The following WWP1 variants were observed in gnomAD, a reference collection of about 807,000 sequenced individuals.
The protein encoded by WWP1 is WW domain containing E3 ubiquitin protein ligase 1.
In WWP1, 49 loss-of-function variants were observed where a neutral mutation model predicts 130.6. The observed-to-expected ratio is 0.38, with a 90% confidence interval of 0.30 to 0.48. WWP1 has a LOEUF of 0.48. Ranked by LOEUF, WWP1 falls within the 20% of genes least tolerant of loss-of-function variation. The probability of loss-of-function intolerance (pLI) is 0.99; values close to 1 mark genes in which losing one functional copy is unlikely to be tolerated. For synonymous variants in WWP1, 332 were observed against 367.8 expected (o/e 0.90, Z 1.11); for missense variants, 809 against 1,100.6 (o/e 0.74, Z 3.75).
intron 5 of WWP1, among the ~76,000 whole-genome samples, chr8:86,390,479 G>A (rs570433524): frequency 6.6e-6 from 1 of 152,188 alleles, no homozygotes; most frequent in Non-Finnish European, 1.5e-5. Flanking sequence ...GATCACTCGC[G>A]GTCAGGAGCT....
At position 86,461,796 on chromosome 8, in the gene WWP1, T is replaced by TGAAAA. The variant is rs1490537036; in HGVS notation, c.2619_2620insGAAAA (p.Cys874GlufsTer34). On this transcript the variant is annotated frameshift_variant, in exon 24 of 25. Transcript: ENST00000517970. LOFTEE classifies it high-confidence loss of function. Reference sequence around the variant, plus strand: ...TAGGAAGTAATGGGCCTCAAAAGTTTTGCATTGAAAAAGTTGGCAAAGACA... The same window carrying TGAAAA: ...TAGGAAGTAATGGGCCTCAAAAGTTTGAAAATGCATTGAAAAAGTTGGCAAAGACA... 6.2e-7 allele frequency: 1 copy of TGAAAA among 1,614,056 alleles called. No individual in the cohort carries two copies. The highest frequency in any genetic ancestry group is 2.2e-5 in the East Asian group (1 of 44,858).
intron 2 of WWP1, among the ~76,000 whole-genome samples, chr8:86,373,312 T>C (rs1161893599): frequency 1.3e-5 from 2 of 152,186 alleles, no homozygotes; most frequent in East Asian, 1.9e-4. Flanking sequence ...ATTTTTATTT[T>C]CTGATAGTTG....
chr8:86,361,287 A>G (rs1823580714), intron 1 of WWP1, among the ~76,000 whole-genome samples: 1 of 152,170 alleles, frequency 6.6e-6, no homozygotes, highest in East Asian at 1.9e-4. Context: ...AATCTGGGAC[A>G]TATTAACATA....
chr8:86,450,720 A>AC (rs1811128839), intron 20 of WWP1, among the ~76,000 whole-genome samples: 1 of 152,202 alleles, frequency 6.6e-6, no homozygotes, highest in African/African-American at 2.4e-5. Context: ...TGCTCTTGAA[A>AC]ATTATATGAT....
chr8:86,440,903 T>C (rs549157703), intron 17 of WWP1, among the ~76,000 whole-genome samples: 111 of 152,346 alleles, frequency 7.3e-4, no homozygotes, highest in African/African-American at 2.6e-3. Flanking sequence ...TCTTCATTAG[T>C]GGTTTTACTG....
rs1424170269 is a variant in WWP1, at chr8:86,435,670, C to T, written c.1715C>T (p.Ser572Phe). Residue 572 changes from serine to phenylalanine, a missense_variant, in exon 16 of 25, where the codon TCC becomes TTC. By Grantham distance (155) the Ser-to-Phe change is radical. Coordinates refer to ENST00000517970, the MANE Select transcript of WWP1 (RefSeq NM_007013.4). ...CCTAGTCATGTAAAGATCAATGTGT[C>T]CCGGCAGACATTGTTTGAAGATTCC... The part of the protein sequence containing the change: ...ALPSHVKINV[S>F]RQTLFEDSFQ... 1 of 1,612,576 alleles carries T rather than the reference C, an allele frequency of 6.2e-7. No homozygotes were observed.
intron 9 of WWP1, among the ~76,000 whole-genome samples, chr8:86,424,650 C>G (rs1048285277): frequency 4.0e-5 from 6 of 151,760 alleles, no homozygotes; most frequent in Non-Finnish European, 8.8e-5. Flanking sequence ...CAAAAAAATA[C>G]GAAAACCAGT....
chr8:86,379,234 A>G (rs1157267823), intron 3 of WWP1, among the ~76,000 whole-genome samples: 2 of 152,174 alleles, frequency 1.3e-5, no homozygotes, highest in East Asian at 1.9e-4. Context: ...GCAGTTTGGA[A>G]CGATGAAGGA....
At chr8:86,452,838 G>C (rs925720542) in intron 21 of WWP1, among the ~76,000 whole-genome samples, 159 bp downstream of exon 21, 4 of 152,062 alleles carry the variant, frequency 2.6e-5, no homozygotes, top group African/African-American at 7.2e-5. Context: ...TTCTAGCATT[G>C]GGTAAGAGTC....
intron 14 of WWP1, 141 bp from the exon 15 acceptor site, chr8:86,435,311 A>G: frequency 2.5e-6 from 2 of 790,706 alleles, no homozygotes; most frequent in Non-Finnish European, 4.1e-6. Context: ...CTTTTGGCCC[A>G]CCATGTATGT....
intron 18 of WWP1, 84 bp downstream of exon 18, chr8:86,442,862 G>C (rs1810665835): frequency 7.6e-7 from 1 of 1,319,464 alleles, no homozygotes; most frequent in Non-Finnish European, 1.0e-6. Flanking sequence ...AAAAGGATAA[G>C]CATTATATTT....
chr8:86,418,108 T>TA (rs916458489), intron 9 of WWP1, among the ~76,000 whole-genome samples: 13 of 151,656 alleles, frequency 8.6e-5, no homozygotes, highest in Admixed American at 2.6e-4. Context: ...CAGTTGCTTT[T>TA]AAAAAAAAAC....
At chr8:86,376,326 T>C (rs908558350) in intron 3 of WWP1, among the ~76,000 whole-genome samples, 51 of 152,152 alleles carry the variant, frequency 3.4e-4, no homozygotes, top group Non-Finnish European at 4.7e-4. Flanking sequence ...CCCAGCACTT[T>C]GGGAGGCCGA....
chr8:86,396,548 T>C (rs1018163866), intron 5 of WWP1, among the ~76,000 whole-genome samples: 1 of 151,120 alleles, frequency 6.6e-6, no homozygotes, highest in Non-Finnish European at 1.5e-5. Context: ...GGTCTTCTTT[T>C]ATCACATGGT....
intron 17 of WWP1, among the ~76,000 whole-genome samples, chr8:86,441,565 C>G (rs1208672724): frequency 2.0e-5 from 3 of 152,204 alleles, no homozygotes; most frequent in African/African-American, 7.2e-5. Flanking sequence ...TCTGACTTCT[C>G]TTTAAAACAC....
chr8:86,406,576 A>G (rs1256666766), intron 8 of WWP1, among the ~76,000 whole-genome samples: 1 of 152,234 alleles, frequency 6.6e-6, no homozygotes, highest in African/African-American at 2.4e-5. Context: ...AACATCTTGT[A>G]TAACTATTTT....
At chr8:86,352,966 G>T (rs1823030160) in intron 1 of WWP1, among the ~76,000 whole-genome samples, 2 of 152,282 alleles carry the variant, frequency 1.3e-5, no homozygotes, top group Middle Eastern at 6.8e-3. Flanking sequence ...AGTTAAGCTA[G>T]AAGTTATGAT....
intron 21 of WWP1, among the ~76,000 whole-genome samples, chr8:86,457,407 C>A (rs1444399491): frequency 2.4e-5 from 2 of 83,958 alleles, no homozygotes; most frequent in Non-Finnish European, 4.2e-5. Context: ...TGGGGGAGAT[C>A]TATCTGTCTG....
At chr8:86,390,144 G>A (rs569233193) in intron 5 of WWP1, among the ~76,000 whole-genome samples, 39 of 151,102 alleles carry the variant, frequency 2.6e-4, no homozygotes, top group African/African-American at 7.5e-4. Flanking sequence ...ATGGGCAGCC[G>A]GGCAGACACG....
Sources: allele counts gnomAD v4.1 joint callset (sites outside exome capture counted in the v4.1 genomes callset), GRCh38; gene constraint gnomAD v4.1.1; transcripts MANE v1.5; gene names NCBI Gene and HGNC (gene_info 2026-07-23, HGNC 2026-07-21).